The following KIAA1217 variants were observed in gnomAD, a reference collection of about 807,000 sequenced individuals.
KIAA1217 encodes the protein sickle tail protein homolog.
KIAA1217 carries 88 observed loss-of-function variants against 163.9 expected under a neutral mutation model. The ratio of observed to expected loss-of-function variants is 0.54; its 90% CI spans 0.45 to 0.64. KIAA1217 has a LOEUF of 0.64. Ranked by LOEUF, KIAA1217 falls within the 30% of genes least tolerant of loss-of-function variation. The pLI, the probability that KIAA1217 is intolerant of heterozygous loss-of-function variation, is 0.00. For missense variants in KIAA1217, 2,372 were observed against 2,475.0 expected (o/e 0.96, Z 0.88); for synonymous variants, 903 against 923.1 (o/e 0.98, Z 0.39).
chr10:23,718,929 T>G (rs1177469486), intron 1 of KIAA1217, among the ~76,000 whole-genome samples: 1 of 152,030 alleles, frequency 6.6e-6, no homozygotes, highest in Non-Finnish European at 1.5e-5. Flanking sequence ...AGACTTCTTT[T>G]CAAGAAATAT....
intron 2 of KIAA1217, among the ~76,000 whole-genome samples, chr10:24,366,774 C>A (rs2050843006): frequency 6.6e-6 from 1 of 152,318 alleles, no homozygotes; most frequent in African/African-American, 2.4e-5. Context: ...AAAGCTATTT[C>A]ATTTGGGTTG....
intron 1 of KIAA1217, among the ~76,000 whole-genome samples, chr10:23,756,838 T>C (rs1184739059): frequency 6.6e-6 from 1 of 152,254 alleles, no homozygotes; most frequent in East Asian, 1.9e-4. Flanking sequence ...ATTCATATTG[T>C]TTGGTGACCA....
At chr10:24,117,051 G>GA (rs1225829423) in intron 2 of KIAA1217, among the ~76,000 whole-genome samples, 120 of 147,838 alleles carry the variant, frequency 8.1e-4, no homozygotes, top group African/African-American at 3.1e-3. Flanking sequence ...TTTTTGGGTG[G>GA]GGGGGGATGG....
At chr10:23,971,041 A>G (rs1845293267) in intron 1 of KIAA1217, among the ~76,000 whole-genome samples, 1 of 152,194 alleles carries the variant, frequency 6.6e-6, no homozygotes, top group African/African-American at 2.4e-5. Flanking sequence ...AGATCAAGTG[A>G]ATGATTTGAC....
chr10:23,890,653 A>G (rs948647315), intron 1 of KIAA1217, among the ~76,000 whole-genome samples: 1 of 151,974 alleles, frequency 6.6e-6, no homozygotes, highest in Non-Finnish European at 1.5e-5. Flanking sequence ...TGAATGCATT[A>G]TACACTTTGG....
At chr10:23,928,793 C>T (rs1466776114) in intron 1 of KIAA1217, among the ~76,000 whole-genome samples, 1 of 152,178 alleles carries the variant, frequency 6.6e-6, no homozygotes, top group Non-Finnish European at 1.5e-5. Flanking sequence ...TGAACACAGG[C>T]AATATGGTTC....
chr10:24,398,416 T>C (rs2056112621), intron 3 of KIAA1217, among the ~76,000 whole-genome samples: 2 of 152,120 alleles, frequency 1.3e-5, no homozygotes, highest in Non-Finnish European at 2.9e-5. Context: ...ATCCGACTTA[T>C]TGGTGGCAAA....
chr10:24,523,193 A>G (rs569459155), intron 12 of KIAA1217, among the ~76,000 whole-genome samples: 4 of 151,642 alleles, frequency 2.6e-5, no homozygotes, highest in East Asian at 3.9e-4. Flanking sequence ...AGGGTGGTAT[A>G]CACCTGTAGT....
At chr10:24,203,066 T>G (rs768724794) in intron 2 of KIAA1217, among the ~76,000 whole-genome samples, 11 of 151,740 alleles carry the variant, frequency 7.2e-5, no homozygotes, top group Non-Finnish European at 1.5e-4. Context: ...GGAGTGTGCC[T>G]GTAGTCCCAG....
chr10:23,742,155 G>A (rs911855047), intron 1 of KIAA1217, among the ~76,000 whole-genome samples: 1 of 152,180 alleles, frequency 6.6e-6, no homozygotes, highest in Non-Finnish European at 1.5e-5. Flanking sequence ...TGTTGGTGGA[G>A]TCGCTCTGGG....
intron 1 of KIAA1217, among the ~76,000 whole-genome samples, chr10:23,936,973 G>A (rs972523957): frequency 6.6e-6 from 1 of 152,004 alleles, no homozygotes; most frequent in African/African-American, 2.4e-5. Context: ...CCACCTCCCG[G>A]GTTCAAGTGA....
upstream of KIAA1217, among the ~76,000 whole-genome samples, chr10:24,207,216 C>T (rs1182969927): frequency 6.6e-6 from 1 of 151,786 alleles, no homozygotes; most frequent in African/African-American, 2.4e-5. Context: ...GGGTCACAAC[C>T]AAAGGCTGCG....
intron 4 of KIAA1217, among the ~76,000 whole-genome samples, chr10:24,436,524 C>T (rs914752525): frequency 9.3e-5 from 14 of 150,556 alleles, no homozygotes; most frequent in Middle Eastern, 3.5e-3. Flanking sequence ...TTTGGGAGGC[C>T]AAGGTGGGCG....
At chr10:24,123,384 T>G (rs2063355714) in intron 2 of KIAA1217, among the ~76,000 whole-genome samples, 2 of 152,086 alleles carry the variant, frequency 1.3e-5, no homozygotes, top group African/African-American at 4.8e-5. Flanking sequence ...CCAAGGTTGA[T>G]TTATCCATTT....
At chr10:24,155,446 G>C (rs2064830449) in intron 2 of KIAA1217, among the ~76,000 whole-genome samples, 1 of 152,140 alleles carries the variant, frequency 6.6e-6, no homozygotes, top group Admixed American at 6.6e-5. Context: ...TGAATGATTT[G>C]CCTAAAATGA....
At chr10:23,794,517 C>T (rs1836105901) in intron 1 of KIAA1217, among the ~76,000 whole-genome samples, 1 of 152,192 alleles carries the variant, frequency 6.6e-6, no homozygotes, top group Non-Finnish European at 1.5e-5. Flanking sequence ...TTAATATTTT[C>T]ATTTAGCTGA....
intron 2 of KIAA1217, among the ~76,000 whole-genome samples, chr10:24,279,221 T>A (rs1254074517): frequency 6.6e-6 from 1 of 151,928 alleles, no homozygotes; most frequent in African/African-American, 2.4e-5. Flanking sequence ...TTTTCTTCTT[T>A]GCATTTCTAG....
intron 2 of KIAA1217, among the ~76,000 whole-genome samples, chr10:24,084,254 T>G (rs1167975077): frequency 6.6e-6 from 1 of 152,234 alleles, no homozygotes. Context: ...ATATTTTACT[T>G]ACTTTCACTT....
chr10:24,069,318 G>A (rs534809387), intron 2 of KIAA1217, among the ~76,000 whole-genome samples: 35 of 152,258 alleles, frequency 2.3e-4, no homozygotes, highest in African/African-American at 5.8e-4. Flanking sequence ...GTGGGTTTTC[G>A]TTTTTGTTTT....
Sources: allele counts gnomAD v4.1 joint callset (sites outside exome capture counted in the v4.1 genomes callset), GRCh38; gene constraint gnomAD v4.1.1; transcripts MANE v1.5; gene names NCBI Gene and HGNC (gene_info 2026-07-23, HGNC 2026-07-21).